TTC12: variants seen among roughly 807,000 people sequenced by gnomAD.
TTC12 encodes the protein tetratricopeptide repeat protein 12.
TTC12 carries 70 observed loss-of-function variants against 90.1 expected under a neutral mutation model. That is an observed-to-expected ratio of 0.78 (90% CI 0.64 to 0.95). TTC12 has a LOEUF of 0.95. Among genes scored for constraint, TTC12 ranks in the 40% least tolerant of loss-of-function variants. TTC12 has a pLI of 0.00. For missense variants in TTC12, 819 were observed against 846.1 expected (o/e 0.97, Z 0.40); for synonymous variants, 296 against 311.5 (o/e 0.95, Z 0.53).
Position 113,324,830 on chromosome 11 carries a change from A to T in TTC12, c.322+148A>T, listed in dbSNP as rs543748484. ...GAGGCAGTGGGACCTGGCCAGAAGG[A>T]AATCATTGATGGTCTGTTCTCTGTT... On this transcript the variant is annotated intron_variant, in intron 5 of 21. Coordinates refer to ENST00000529221, the MANE Select transcript of TTC12 (RefSeq NM_017868.4). 16 of 660,352 alleles carry T rather than the reference A, an allele frequency of 2.4e-5. No homozygotes were observed. The South Asian group carries it at 3.1e-4, about 13-fold the overall frequency. 40.9% of individuals were successfully genotyped at this position (660,352 alleles called of 1,614,324 possible). A position where few individuals can be genotyped will look rare whatever the true frequency, so the allele number is the denominator to read the frequency against.
At chr11:113,365,497 C>T (rs1002784083) in intron 21 of TTC12, 8 of 208,026 alleles carry the variant, frequency 3.8e-5, no homozygotes, top group East Asian at 2.0e-4. Flanking sequence ...AATGGAGGAA[C>T]GGCCAGCAAG....
At chr11:113,351,575 C>A (rs1949296109) in intron 15 of TTC12, among the ~76,000 whole-genome samples, 1 of 152,168 alleles carries the variant, frequency 6.6e-6, no homozygotes, top group Non-Finnish European at 1.5e-5. Flanking sequence ...CTCCATCAGT[C>A]CCCTGCTGAC....
chr11:113,365,067 T>C lies in TTC12; in HGVS notation c.2042+7T>C, dbSNP rs761443879. 3 of 1,612,102 alleles carry C rather than the reference T, an allele frequency of 1.9e-6. No individual in the cohort carries two copies. Among genetic ancestry groups the C allele is most frequent in the Non-Finnish European group, 2.5e-6 (3 of 1,178,542 alleles). On this transcript the variant is annotated splice_region_variant and intron_variant, in intron 21 of 21. Transcript: ENST00000529221. ...TGTGCACAGCTGAGCCCAGGTATGC[T>C]GTGGACACGGAGCCAGGCTGACCTA...
intron 11 of TTC12, among the ~76,000 whole-genome samples, chr11:113,341,106 T>C (rs547271047): frequency 6.6e-6 from 1 of 152,266 alleles, no homozygotes; most frequent in Admixed American, 6.5e-5. Context: ...GGCAGGCACC[T>C]GTAATCCCAG....
intron 2 of TTC12, among the ~76,000 whole-genome samples, chr11:113,321,244 GTGA>G (rs1236644928): frequency 2.0e-5 from 3 of 152,162 alleles, no homozygotes; most frequent in African/African-American, 7.2e-5. Context: ...AACCCAGCAA[GTGA>G]TGATAAGAAT....
chr11:113,367,593 A>G (rs372181840), downstream of TTC12, among the ~76,000 whole-genome samples: 4 of 152,256 alleles, frequency 2.6e-5, no homozygotes, highest in African/African-American at 9.6e-5. Flanking sequence ...AGGAAAGGAA[A>G]TCCTCCTCCT....
rs1373544776 is a variant in TTC12, at chr11:113,339,320, A to G, written c.672A>G (p.Ala224=). The change falls in exon 10 of 22, where the codon GCA becomes GCG. Residue 224 remains alanine, a synonymous_variant. Coordinates refer to ENST00000529221, the MANE Select transcript of TTC12 (RefSeq NM_017868.4). ...YLNQVDLQEK[A]DLQEKEAHEL... is the part of the protein sequence containing the mutation. ...ATCAAGTAGATCTTCAGGAAAAAGC[A>G]GACCTTCAAGAAAAGGAAGCCCACG... The G allele has an allele frequency of 1.3e-5, 21 of 1,609,726 alleles. No homozygotes were observed. Among genetic ancestry groups the G allele is most frequent in the East Asian group, 2.2e-5 (1 of 44,864 alleles).
chr11:113,368,763 C>T (rs1416683230), downstream of TTC12: 9 of 506,790 alleles, frequency 1.8e-5, no homozygotes, highest in Non-Finnish European at 2.8e-5. Context: ...ATAAGAGCTT[C>T]TTGGCTTGGA....
chr11:113,372,269 G>T (rs545393319), intron 21 of TTC12, among the ~76,000 whole-genome samples: 1 of 152,332 alleles, frequency 6.6e-6, no homozygotes, highest in East Asian at 1.9e-4. Context: ...GAAAAAGACA[G>T]GTGCTGGATT....
downstream of TTC12, chr11:113,368,741 G>A: frequency 5.5e-6 from 3 of 543,700 alleles, no homozygotes; most frequent in East Asian, 2.9e-5. Flanking sequence ...ACTTTTTTAA[G>A]GATAGGTTCA....
intron 16 of TTC12, among the ~76,000 whole-genome samples, chr11:113,354,396 G>A (rs1221788600): frequency 1.3e-5 from 2 of 152,184 alleles, no homozygotes; most frequent in African/African-American, 2.4e-5. Flanking sequence ...ACAGGATCAT[G>A]TCGTCTACAA....
chr11:113,338,843 G>A lies in TTC12; in HGVS notation c.637+9G>A, dbSNP rs782738243. ...GCAAACCCAGGTGAAAGGTGAGCACGTTCCTGCTGAGGTCCTTCATCTGAA... is the reference window on the plus strand; with the variant it reads ...GCAAACCCAGGTGAAAGGTGAGCACATTCCTGCTGAGGTCCTTCATCTGAA... On this transcript the variant is annotated intron_variant, in intron 9 of 21. Coordinates refer to ENST00000529221, the MANE Select transcript of TTC12 (RefSeq NM_017868.4). 20 of 1,613,264 alleles carry A rather than the reference G, an allele frequency of 1.2e-5. No individual in the cohort carries two copies. The highest frequency in any genetic ancestry group is 2.2e-5 in the South Asian group (2 of 91,060).
intron 10 of TTC12, 48 bp downstream of exon 10, chr11:113,339,522 G>GAA: frequency 6.6e-7 from 1 of 1,518,852 alleles, no homozygotes; most frequent in Non-Finnish European, 9.0e-7. Context: ...AGTGTGAAGG[G>GAA]ACACATTCAG....
At position 113,373,123 on chromosome 11, in the gene TTC12, G is replaced by C; in HGVS notation, c.*121-1G>C. The C allele has an allele frequency of 1.2e-6, 1 of 861,960 alleles. No homozygotes were observed. Among genetic ancestry groups the C allele is most frequent in the Non-Finnish European group, 1.4e-6 (1 of 717,516 alleles). The allele number at this position is 861,960 out of a possible 1,614,324, so 53.4% of individuals were successfully genotyped here. On this transcript the variant is annotated splice_acceptor_variant, in intron 21 of 21. Transcript: ENST00000314756. LOFTEE classifies it low-confidence loss of function (3UTR_SPLICE). ...GTTCTATCATTATTCTCCCTTTACA[G>C]ATGAGGAAACTGAGGTGCAAAGCAG... is the stretch of plus-strand genomic sequence containing the variant.
chr11:113,330,028 T>C (rs1282155573), intron 7 of TTC12, 49 bp downstream of exon 7: 2 of 1,451,430 alleles, frequency 1.4e-6, no homozygotes, highest in Admixed American at 3.3e-5. Context: ...CTGAAGTAGA[T>C]AGAAGGCAGC....
intron 1 of TTC12, chr11:113,315,874 A>C (rs1946903819): frequency 6.1e-6 from 1 of 164,700 alleles, no homozygotes; most frequent in African/African-American, 2.4e-5. Flanking sequence ...CCAGCCTGTC[A>C]TGATCAAAGT....
intron 20 of TTC12, 166 bp from the exon 21 acceptor site, chr11:113,364,669 T>A: frequency 4.8e-6 from 3 of 627,216 alleles, no homozygotes; most frequent in Non-Finnish European, 8.6e-6. Flanking sequence ...GAGGTTCATA[T>A]GCATTCAGTG....
At chr11:113,319,851 A>G (rs1555137507) in intron 2 of TTC12, among the ~76,000 whole-genome samples, 1 of 152,212 alleles carries the variant, frequency 6.6e-6, no homozygotes, top group Non-Finnish European at 1.5e-5. Context: ...CATTGCTGGC[A>G]GGGACTTCTC....
At chr11:113,350,025 T>A (rs1949179494) in intron 13 of TTC12, 48 bp from the exon 14 acceptor site, 1 of 1,444,992 alleles carries the variant, frequency 6.9e-7, no homozygotes, top group East Asian at 2.3e-5. Context: ...GTTGGGATGT[T>A]GTTAGTTGGA....
Sources: allele counts gnomAD v4.1 joint callset (sites outside exome capture counted in the v4.1 genomes callset), GRCh38; gene constraint gnomAD v4.1.1; transcripts MANE v1.5; gene names NCBI Gene and HGNC (gene_info 2026-07-23, HGNC 2026-07-21).